UNC79: variants seen among roughly 807,000 people sequenced by gnomAD.
UNC79 encodes protein unc-79 homolog.
A neutral mutation model predicts 283.1 loss-of-function variants in UNC79; 37 were observed. The observed-to-expected ratio is 0.13, with a 90% CI of 0.10 to 0.17. The LOEUF (loss-of-function observed/expected upper bound fraction) is 0.17, where lower values mean the gene tolerates loss of function less well. Among genes scored for constraint, UNC79 ranks in the 10% least tolerant of loss-of-function variants. The pLI is 1.00. For missense variants in UNC79, 2,272 were observed against 3,211.1 expected (o/e 0.71, Z 7.07); for synonymous variants, 1,107 against 1,200.2 (o/e 0.92, Z 1.61).
rs2055988770 is a variant in UNC79, at chr14:93,434,121, G to C, written c.22+3070G>C. Among the ~76,000 whole-genome samples the C allele has an allele frequency of 3.9e-5, 6 of 152,022 alleles. No individual in the cohort carries two copies. The South Asian group carries it at 1.2e-3, about 32-fold the overall frequency. ...CCAGCTACTCAGGAGGCTGAGGCAG[G>C]AGAATCACCTGAACCTGGGAGGCGG... On this transcript the variant is annotated intron_variant, in intron 1 of 48. Coordinates refer to ENST00000555664, the Ensembl canonical transcript of UNC79.
In UNC79 at chr14:93,617,831, C is replaced by T. The variant is rs1379591639; in HGVS notation, c.4225-361C>T. On this transcript the variant is annotated intron_variant, in intron 28 of 48. Coordinates refer to ENST00000555664, the Ensembl canonical transcript of UNC79. This position sits in a 1 kb window ranked among gnomAD's most constrained non-coding sequence, Gnocchi z 4.5. ...GCCGAGGTGGGTAGGTTGCCTGACT[C>T]CGGGAGTTCGAGCCCAGCCTGAGCA... Among the ~76,000 whole-genome samples the T allele has an allele frequency of 6.6e-6, 1 of 152,066 alleles. No homozygotes were observed. The highest frequency in any genetic ancestry group is 1.5e-5 in the Non-Finnish European group (1 of 68,010).
intron 15 of UNC79, among the ~76,000 whole-genome samples, chr14:93,572,371 TG>T (rs2063253699): frequency 6.6e-6 from 1 of 152,222 alleles, no homozygotes; most frequent in African/African-American, 2.4e-5. Flanking sequence ...TGGTGGGATG[TG>T]GTGGAAAAGT....
intron 33 of UNC79, among the ~76,000 whole-genome samples, chr14:93,642,866 G>T (rs2069196590): frequency 6.6e-6 from 1 of 152,170 alleles, no homozygotes; most frequent in Non-Finnish European, 1.5e-5. Context: ...TTATAAAACT[G>T]CTCACTTTAT....
At chr14:93,348,014 ATCT>A (rs1188361826) in intron 1 of UNC79, 4 of 1,557,436 alleles carry the variant, frequency 2.6e-6, no homozygotes, top group South Asian at 1.1e-5. Context: ...AGCGCGTGTC[ATCT>A]TCTCTTCCAG....
intron 48 of UNC79, among the ~76,000 whole-genome samples, chr14:93,706,261 C>G (rs939811941): frequency 1.3e-5 from 2 of 152,236 alleles, no homozygotes; most frequent in Admixed American, 6.5e-5. Context: ...CACTATCCCC[C>G]CTTTACCCAT....
chr14:93,440,251 G>C (rs1595483088), intron 1 of UNC79, among the ~76,000 whole-genome samples: 1 of 151,488 alleles, frequency 6.6e-6, no homozygotes, highest in South Asian at 2.1e-4. Context: ...GGGTGGGGGT[G>C]GGTCCAGGAA....
At chr14:93,363,375 T>C (rs758945471) in intron 1 of UNC79, among the ~76,000 whole-genome samples, 4 of 152,210 alleles carry the variant, frequency 2.6e-5, no homozygotes, top group Non-Finnish European at 4.4e-5. Flanking sequence ...AATTGCTTAA[T>C]CTCTGATTGT....
At chr14:93,603,693 G>T (rs2148565) in intron 26 of UNC79, among the ~76,000 whole-genome samples, 1 of 152,188 alleles carries the variant, frequency 6.6e-6, no homozygotes, top group Non-Finnish European at 1.5e-5. Flanking sequence ...ATGCAACTTA[G>T]AAGAAACATT....
rs1271903343 is a variant in UNC79 at position 93,419,118 on chromosome 14, G to A, written c.-350-48553G>A. On this transcript the variant is annotated intron_variant, in intron 1 of 49. Coordinates refer to the UNC79 transcript ENST00000256339. ...AGAAATCACCCGTCTTCTGTGTCAC[G>A]CTGGGAGCTGTAGACCGGAGCTGTT... 2.1e-5 allele frequency among the ~76,000 whole-genome samples: 3 copies of A among 143,318 alleles called. 1 individual carries two copies. The highest frequency in any genetic ancestry group is 4.5e-4 in the South Asian group (2 of 4,470). The allele number at this position is 143,318 out of a possible 152,430, so 94.0% of individuals were successfully genotyped here. A position where few individuals can be genotyped will look rare whatever the true frequency, so the allele number is the denominator to read the frequency against.
intron 40 of UNC79, among the ~76,000 whole-genome samples, chr14:93,665,528 C>T (rs956020868): frequency 6.6e-6 from 1 of 151,870 alleles, no homozygotes; most frequent in Admixed American, 6.6e-5. Flanking sequence ...TCAGGAAGCA[C>T]AATGAGCCCT....
intron 1 of UNC79, among the ~76,000 whole-genome samples, chr14:93,438,036 G>T (rs1383149788): frequency 1.3e-5 from 2 of 152,060 alleles, no homozygotes; most frequent in Non-Finnish European, 2.9e-5. Flanking sequence ...TCATTGTTAT[G>T]TCTGATTCTG....
At position 93,613,022 on chromosome 14, in the gene UNC79, T is replaced by C. The variant is rs146420696; in HGVS notation, c.3980T>C (p.Ile1327Thr). 3.9e-5 allele frequency: 63 copies of C among 1,614,188 alleles called. No homozygotes were observed. The highest frequency in any genetic ancestry group is 5.0e-5 in the Non-Finnish European group (59 of 1,180,026). ...GACCAGCAGGAAGGTTGCTTCATGA[T>C]TGCACCTCAAAAAATGCGCCTGTCA... The change falls in exon 27 of 49, where the codon ATT (isoleucine) becomes ACT (threonine). Residue 1327 changes from isoleucine (I) to threonine (T), a missense_variant. Around this residue, in one of 11 missense-constraint regions of UNC79, gnomAD observed 128 missense variants for 230.3 expected, o/e 0.56. Transcript: ENST00000555664.
At chr14:93,374,219 C>T (rs975362212) in intron 1 of UNC79, among the ~76,000 whole-genome samples, 6 of 152,118 alleles carry the variant, frequency 3.9e-5, no homozygotes, top group African/African-American at 7.2e-5. Flanking sequence ...ATGGAGTCAC[C>T]GGCAACATGC....
At chr14:93,607,351 T>C (rs1293374348) in intron 26 of UNC79, among the ~76,000 whole-genome samples, 1 of 152,224 alleles carries the variant, frequency 6.6e-6, no homozygotes, top group Admixed American at 6.5e-5. Flanking sequence ...CCTGTATATA[T>C]AGTATCTCTT....
At chr14:93,537,891 T>C in intron 11 of UNC79, 98 bp from the exon 12 acceptor site, 2 of 1,180,480 alleles carry the variant, frequency 1.7e-6, no homozygotes, top group South Asian at 1.6e-5. Context: ...GAATGTGTTG[T>C]CACTTCGAGT....
intron 38 of UNC79, among the ~76,000 whole-genome samples, chr14:93,656,485 A>G (rs924310563): frequency 1.3e-5 from 2 of 150,912 alleles, no homozygotes; most frequent in African/African-American, 4.9e-5. Flanking sequence ...ATATAGTGAG[A>G]CTCTGTCTCT....
chr14:93,359,468 A>C (rs148247348), intron 1 of UNC79, among the ~76,000 whole-genome samples: 200 of 152,296 alleles, frequency 1.3e-3, no homozygotes, highest in African/African-American at 4.6e-3. Flanking sequence ...ACAGAATTTA[A>C]ATAAAATGGG....
chr14:93,684,193 CTCCCCAT>C (rs1307632087), intron 42 of UNC79, among the ~76,000 whole-genome samples: 1 of 152,082 alleles, frequency 6.6e-6, no homozygotes, highest in Non-Finnish European at 1.5e-5. Context: ...TGACTAATAC[CTCCCCAT>C]TTTTCCCTCC....
intron 1 of UNC79, among the ~76,000 whole-genome samples, chr14:93,351,932 C>T (rs144927090): frequency 4.6e-5 from 7 of 152,240 alleles, no homozygotes; most frequent in South Asian, 2.1e-4. Context: ...CAAGGCCTAC[C>T]GATTTAAATG....
Sources: gnomAD v4.1 joint callset for allele counts (sites outside exome capture counted in the v4.1 genomes callset) on GRCh38, gnomAD v4.1.1 for gene constraint, gnomAD v4.1.1 regional missense constraint, Gnocchi (gnomAD v3.1) non-coding constraint, MANE v1.5 for transcripts, NCBI Gene and HGNC (gene_info 2026-07-23, HGNC 2026-07-21) for gene names.